CCDC201: variants seen among roughly 807,000 people sequenced by gnomAD.
CCDC201 encodes the protein coiled-coil domain-containing protein 201.
exon 3 of CCDC201, chr7:45,860,595 A>G (rs926503699): frequency 1.3e-5 from 2 of 152,252 alleles, no homozygotes; most frequent in Admixed American, 6.5e-5. Context: ...ATGATCATTT[A>G]GAAATCTTGC....
the CCDC201 span, among the ~76,000 whole-genome samples, chr7:45,882,816 G>A: frequency 6.6e-6 from 1 of 152,134 alleles, no homozygotes; most frequent in African/African-American, 2.4e-5. Flanking sequence ...TTTTTGCTCA[G>A]TTGATTGAAT....
upstream of CCDC201, among the ~76,000 whole-genome samples, chr7:45,876,954 G>A (rs1786815709): frequency 6.6e-6 from 1 of 152,252 alleles, no homozygotes; most frequent in Admixed American, 6.5e-5. Context: ...GGGTATGGCT[G>A]CTAGTCAGCC....
chr7:45,883,345 G>A, the CCDC201 span, among the ~76,000 whole-genome samples: 1 of 152,158 alleles, frequency 6.6e-6, no homozygotes, highest in Non-Finnish European at 1.5e-5. Flanking sequence ...TTCAGCATGA[G>A]TATAACCCAA....
upstream of CCDC201, among the ~76,000 whole-genome samples, chr7:45,873,717 T>A (rs1012401066): frequency 6.6e-6 from 1 of 152,212 alleles, no homozygotes; most frequent in Non-Finnish European, 1.5e-5. Flanking sequence ...TTTACCAATC[T>A]ATACTAAAGC....
chr7:45,879,520 AG>A, the CCDC201 span, among the ~76,000 whole-genome samples: 1 of 152,226 alleles, frequency 6.6e-6, no homozygotes, highest in African/African-American at 2.4e-5. Context: ...TCATGGCAGA[AG>A]GCAAAGGAGA....
At chr7:45,872,666 C>T (rs1329790939) in intron 1 of CCDC201, among the ~76,000 whole-genome samples, 1 of 152,146 alleles carries the variant, frequency 6.6e-6, no homozygotes, top group African/African-American at 2.4e-5. Flanking sequence ...ACACCTGGGG[C>T]CTCAGAGCCC....
chr7:45,869,819 A>AT (rs113136055), intron 1 of CCDC201, among the ~76,000 whole-genome samples: 40,780 of 140,702 alleles, frequency 0.29, 6,198 homozygotes, highest in East Asian at 0.46. Context: ...GTTGCTCCAC[A>AT]TTTTTTTTTT....
the CCDC201 span, among the ~76,000 whole-genome samples, chr7:45,881,735 G>C: frequency 6.6e-6 from 1 of 152,176 alleles, no homozygotes; most frequent in Non-Finnish European, 1.5e-5. Flanking sequence ...GAATGCAAAT[G>C]CTTCGGGATG....
chr7:45,875,457 A>G (rs1359461982), upstream of CCDC201, among the ~76,000 whole-genome samples: 1 of 151,770 alleles, frequency 6.6e-6, no homozygotes, highest in Non-Finnish European at 1.5e-5. Context: ...AAAAAAAAAA[A>G]AAGAACAAAA....
intron 1 of CCDC201, among the ~76,000 whole-genome samples, chr7:45,871,927 A>T: frequency 6.6e-6 from 1 of 152,238 alleles, no homozygotes; most frequent in East Asian, 1.9e-4. Context: ...TATGGAAGGC[A>T]GTTTGGAAAC....
the CCDC201 span, among the ~76,000 whole-genome samples, chr7:45,878,368 A>G: frequency 6.6e-6 from 1 of 152,176 alleles, no homozygotes; most frequent in African/African-American, 2.4e-5. Context: ...TCACTTCCAC[A>G]CTGCCCTAAT....
At chr7:45,870,626 C>T (rs954200585) in intron 1 of CCDC201, among the ~76,000 whole-genome samples, 14 of 152,118 alleles carry the variant, frequency 9.2e-5, no homozygotes, top group Admixed American at 8.5e-4. Context: ...AACCAAAATG[C>T]ATAGCTGTTA....
intron 1 of CCDC201, among the ~76,000 whole-genome samples, chr7:45,869,920 C>T (rs955636488): frequency 5.3e-5 from 8 of 151,478 alleles, no homozygotes; most frequent in Admixed American, 5.3e-4. Context: ...TGGATTCAAG[C>T]GATTCTCCTG....
At chr7:45,876,713 T>G (rs938571750), upstream of CCDC201, among the ~76,000 whole-genome samples, 10 of 152,246 alleles carry the variant, frequency 6.6e-5, no homozygotes, top group African/African-American at 2.4e-4. Context: ...CACAGTGGTG[T>G]TAGCCTGGCA....
At chr7:45,862,395 CCA>C (rs1354758450) in exon 3 of CCDC201, 1 of 152,342 alleles carries the variant, frequency 6.6e-6, no homozygotes, top group Non-Finnish European at 1.5e-5. Flanking sequence ...TCCTGGGATC[CCA>C]CAGTCTGGTT....
At chr7:45,884,808 G>A in the CCDC201 span, among the ~76,000 whole-genome samples, 69 of 152,214 alleles carry the variant, frequency 4.5e-4, no homozygotes, top group African/African-American at 1.6e-3. Flanking sequence ...TAAGTAGCCC[G>A]CCCTTGACAG....
At chr7:45,866,984 C>T (rs1280509094) in intron 1 of CCDC201, among the ~76,000 whole-genome samples, 3 of 152,194 alleles carry the variant, frequency 2.0e-5, no homozygotes, top group African/African-American at 7.2e-5. Flanking sequence ...GAGGTAACAT[C>T]CCAACCCCAA....
chr7:45,867,473 G>A (rs1436838753), intron 1 of CCDC201, among the ~76,000 whole-genome samples: 1 of 152,178 alleles, frequency 6.6e-6, no homozygotes, highest in Non-Finnish European at 1.5e-5. Flanking sequence ...CATTCAGGGT[G>A]TAGAAAAAAC....
At chr7:45,877,826 A>G (rs183792987), upstream of CCDC201, among the ~76,000 whole-genome samples, 21 of 152,282 alleles carry the variant, frequency 1.4e-4, no homozygotes, top group East Asian at 3.9e-3. Flanking sequence ...GCAAAATACA[A>G]TCATTTCTTC....
Sources: gnomAD v4.1 joint callset for allele counts (sites outside exome capture counted in the v4.1 genomes callset) on GRCh38, gnomAD v4.1.1 for gene constraint, MANE v1.5 for transcripts, NCBI Gene and HGNC (gene_info 2026-07-23, HGNC 2026-07-21) for gene names.